Variants in KCNQ3 observed in about 807,000 individuals in gnomAD.
The protein encoded by KCNQ3 is potassium voltage-gated channel subfamily KQT member 3.
In KCNQ3, 30 loss-of-function variants were observed where a neutral mutation model predicts 92.5. The ratio of observed to expected loss-of-function variants is 0.32; its 90% CI spans 0.24 to 0.44. The LOEUF is 0.44. Ranked by LOEUF, KCNQ3 falls within the 20% of genes least tolerant of loss-of-function variation. The pLI is 1.00. For synonymous variants in KCNQ3, 450 were observed against 468.8 expected, an observed-to-expected ratio of 0.96 and a Z score of 0.52; for missense variants, 913 against 1,140.3, an observed-to-expected ratio of 0.80 and a Z score of 2.87.
chr8:132,431,245 TC>T (rs1225225239), intron 1 of KCNQ3, among the ~76,000 whole-genome samples: 1 of 152,172 alleles, frequency 6.6e-6, no homozygotes, highest in Non-Finnish European at 1.5e-5. Flanking sequence ...TTCCCATGTG[TC>T]ACTAGCCGGG....
At chr8:132,130,215 G>T (rs7015852) in intron 14 of KCNQ3, among the ~76,000 whole-genome samples, 62 of 151,366 alleles carry the variant, frequency 4.1e-4, no homozygotes, top group African/African-American at 1.5e-3. Flanking sequence ...CCAAGTAGCT[G>T]GGATTACAGG....
intron 1 of KCNQ3, among the ~76,000 whole-genome samples, chr8:132,367,177 T>A (rs570566248): frequency 6.6e-6 from 1 of 152,358 alleles, no homozygotes; most frequent in East Asian, 1.9e-4. Flanking sequence ...CCTTCAACCC[T>A]GAATGTCTGT....
chr8:132,392,790 C>CAAAAAAAA (rs56183412), intron 1 of KCNQ3, among the ~76,000 whole-genome samples: 10 of 72,634 alleles, frequency 1.4e-4, no homozygotes, highest in African/African-American at 3.5e-4. Context: ...GAACCTGTCT[C>CAAAAAAAA]AAAAAAAAAA....
chr8:132,331,905 G>T (rs190080723), intron 1 of KCNQ3, among the ~76,000 whole-genome samples: 2 of 152,218 alleles, frequency 1.3e-5, no homozygotes, highest in Admixed American at 1.3e-4. Flanking sequence ...AGTCATCAGG[G>T]CATGCCAGTC....
At chr8:132,195,291 T>A (rs1159582848) in intron 1 of KCNQ3, among the ~76,000 whole-genome samples, 1 of 152,254 alleles carries the variant, frequency 6.6e-6, no homozygotes, top group Non-Finnish European at 1.5e-5. Flanking sequence ...TCAAAATGAT[T>A]CCATCTCTTA....
intron 1 of KCNQ3, among the ~76,000 whole-genome samples, chr8:132,244,521 C>A (rs969400781): frequency 6.6e-6 from 1 of 152,044 alleles, no homozygotes; most frequent in Non-Finnish European, 1.5e-5. Context: ...TCTGTTTTTA[C>A]CCAGAAAGAT....
intron 1 of KCNQ3, among the ~76,000 whole-genome samples, chr8:132,368,179 T>C (rs965262887): frequency 6.6e-6 from 1 of 152,174 alleles, no homozygotes; most frequent in African/African-American, 2.4e-5. Flanking sequence ...TAAAACAACA[T>C]TATTCATTTT....
chr8:132,441,134 C>T (rs1821524893), intron 1 of KCNQ3, among the ~76,000 whole-genome samples: 1 of 152,254 alleles, frequency 6.6e-6, no homozygotes, highest in African/African-American at 2.4e-5. Context: ...GGGCCCAGTA[C>T]ACTCTTTCCC....
Position 132,180,203 on chromosome 8 carries a change from C to G in KCNQ3, c.731G>C (p.Gly244Ala). 1 of 1,614,190 alleles carries G rather than the reference C, an allele frequency of 6.2e-7. No individual in the cohort carries two copies. Among genetic ancestry groups the G allele is most frequent in the Non-Finnish European group, 8.5e-7 (1 of 1,180,036 alleles). The change falls in exon 4 of 15, where the codon GGT (glycine) becomes GCT (alanine). Residue 244 changes from glycine (G) to alanine (A), a missense_variant. Gly to Ala is a moderately conservative substitution (Grantham distance 60, BLOSUM62 0). Transcript: ENST00000388996. ...ILRMLRMDRR[G>A]GTWKLLGSAI... is the part of the protein sequence containing the mutation. The stretch of plus-strand genomic sequence containing the variant: ...TGAGCCCAGAAGCTTCCAGGTGCCA[C>G]CTCTCCGGTCCATCCGCAGCATGCG...
intron 1 of KCNQ3, among the ~76,000 whole-genome samples, chr8:132,293,267 C>A (rs1228793435): frequency 6.6e-6 from 1 of 152,218 alleles, no homozygotes; most frequent in African/African-American, 2.4e-5. Context: ...GGAACCCCAA[C>A]TGGCAACTGC....
intron 1 of KCNQ3, among the ~76,000 whole-genome samples, chr8:132,254,261 T>G (rs1815507334): frequency 6.6e-6 from 1 of 152,148 alleles, no homozygotes; most frequent in Non-Finnish European, 1.5e-5. Flanking sequence ...AAACTGGTGA[T>G]AGAGATAGAT....
intron 6 of KCNQ3, 90 bp downstream of exon 6, chr8:132,174,149 T>C (rs912215852): frequency 1.1e-6 from 1 of 902,224 alleles, no homozygotes; most frequent in South Asian, 1.4e-5. Flanking sequence ...TATAAGAGGA[T>C]AGAAGATGAC....
chr8:132,311,642 A>G (rs148475124), intron 1 of KCNQ3, among the ~76,000 whole-genome samples: 7 of 152,346 alleles, frequency 4.6e-5, no homozygotes, highest in Non-Finnish European at 5.9e-5. Flanking sequence ...AAGAATTCAC[A>G]TATGTGAAGT....
At chr8:132,419,594 T>C (rs971746912) in intron 1 of KCNQ3, among the ~76,000 whole-genome samples, 2 of 152,188 alleles carry the variant, frequency 1.3e-5, no homozygotes, top group African/African-American at 2.4e-5. Context: ...TCTCCACCAC[T>C]GAAGCTGCCT....
At chr8:132,212,584 T>C (rs1813893795) in intron 1 of KCNQ3, among the ~76,000 whole-genome samples, 1 of 151,978 alleles carries the variant, frequency 6.6e-6, no homozygotes, top group South Asian at 2.1e-4. Flanking sequence ...TCTTTAAATC[T>C]ACTCAAAGGC....
At chr8:132,364,414 A>G (rs1425863284) in intron 1 of KCNQ3, among the ~76,000 whole-genome samples, 3 of 152,188 alleles carry the variant, frequency 2.0e-5, no homozygotes, top group Non-Finnish European at 4.4e-5. Flanking sequence ...AGCCTTTTCC[A>G]TTGAATCTGC....
At chr8:132,422,972 G>A (rs1821013357) in intron 1 of KCNQ3, among the ~76,000 whole-genome samples, 1 of 152,170 alleles carries the variant, frequency 6.6e-6, no homozygotes, top group Non-Finnish European at 1.5e-5. Context: ...GATGGGGTTG[G>A]AGATGTAGGC....
intron 1 of KCNQ3, among the ~76,000 whole-genome samples, chr8:132,349,983 A>G (rs1488820398): frequency 6.6e-6 from 1 of 152,258 alleles, no homozygotes; most frequent in African/African-American, 2.4e-5. Flanking sequence ...AAGCGAGATC[A>G]TGCTTCATGG....
chr8:132,346,006 A>C (rs1228766506), intron 1 of KCNQ3, among the ~76,000 whole-genome samples: 3 of 151,868 alleles, frequency 2.0e-5, no homozygotes, highest in Admixed American at 6.6e-5. Context: ...TGATGATGAC[A>C]ATGATGATGA....
Sources: gnomAD v4.1 joint callset for allele counts (sites outside exome capture counted in the v4.1 genomes callset) on GRCh38, gnomAD v4.1.1 for gene constraint, MANE v1.5 for transcripts, NCBI Gene and HGNC (gene_info 2026-07-23, HGNC 2026-07-21) for gene names.